Variants in GABBR2 observed in about 807,000 individuals in gnomAD.
GABBR2 encodes gamma-aminobutyric acid type B receptor subunit 2.
In GABBR2, 23 loss-of-function variants were observed where a neutral mutation model predicts 105.6. The ratio of observed to expected loss-of-function variants is 0.22; its 90% CI spans 0.16 to 0.31. GABBR2 has a LOEUF of 0.31. Ranked by LOEUF, GABBR2 falls within the 10% of genes least tolerant of loss-of-function variation. The pLI is 1.00. For missense variants in GABBR2, 734 were observed against 1,245.5 expected (o/e 0.59, Z 6.18); for synonymous variants, 478 against 499.7 (o/e 0.96, Z 0.58).
chr9:98,659,971 T>C (rs926407659), intron 1 of GABBR2, among the ~76,000 whole-genome samples: 6 of 152,316 alleles, frequency 3.9e-5, no homozygotes, highest in African/African-American at 1.4e-4. Context: ...TTATGGTACA[T>C]ATCCTTTAAG....
At chr9:98,518,743 A>G (rs1827809073) in intron 3 of GABBR2, among the ~76,000 whole-genome samples, 2 of 152,170 alleles carry the variant, frequency 1.3e-5, no homozygotes, top group Non-Finnish European at 1.5e-5. Flanking sequence ...TGGGTTGCTC[A>G]TGTATGGAGA....
intron 2 of GABBR2, among the ~76,000 whole-genome samples, chr9:98,552,972 G>A (rs942745917): frequency 3.3e-5 from 5 of 151,962 alleles, no homozygotes; most frequent in Middle Eastern, 3.2e-3. Context: ...GAACTCTTGG[G>A]CTCAAGCATC....
intron 1 of GABBR2, among the ~76,000 whole-genome samples, chr9:98,685,263 G>A (rs532761893): frequency 4.6e-5 from 7 of 152,336 alleles, no homozygotes; most frequent in Admixed American, 3.9e-4. Flanking sequence ...GTTTGGCAGG[G>A]GCTCTCAGGC....
At chr9:98,649,799 T>C (rs1830079988) in intron 1 of GABBR2, among the ~76,000 whole-genome samples, 1 of 152,222 alleles carries the variant, frequency 6.6e-6, no homozygotes, top group South Asian at 2.1e-4. Flanking sequence ...GTACAAACTT[T>C]ACAAAAAACA....
At position 98,708,406 on chromosome 9, in the gene GABBR2, C is replaced by T. The variant is rs533615750; in HGVS notation, c.321+11G>A. On this transcript the variant is annotated intron_variant, in intron 1 of 18. Coordinates refer to ENST00000259455, the MANE Select transcript of GABBR2 (RefSeq NM_005458.8). ...CCGAAGCCCCGACGGCAGGGGCAGC[C>T]GGACACTCACCTCCGTGTCATAGAG... 2.9e-6 allele frequency: 4 copies of T among 1,396,584 alleles called. No individual in the cohort carries two copies. Among genetic ancestry groups the T allele is most frequent in the East Asian group, 2.8e-5 (1 of 35,516 alleles). 86.5% of individuals were successfully genotyped at this position (1,396,584 alleles called of 1,614,324 possible).
chr9:98,324,192 C>T lies in GABBR2; in HGVS notation c.1894-12987G>A, dbSNP rs114984417. ...GGGACTCTGGCTGATTCTGGGACTC[C>T]CAGCTCACACGGAGGAAGGCAGGCT... On this transcript the variant is annotated intron_variant, in intron 13 of 18. Transcript: ENST00000259455. Among the ~76,000 whole-genome samples the T allele has an allele frequency of 3.0e-3, 459 of 152,282 alleles. 1 individual carries two copies. Among genetic ancestry groups the T allele is most frequent in the African/African-American group, 9.8e-3 (408 of 41,554 alleles).
chr9:98,581,965 C>A lies in GABBR2; in HGVS notation c.322-3893G>T, dbSNP rs1445154666. 2.0e-5 allele frequency among the ~76,000 whole-genome samples: 3 copies of A among 152,226 alleles called. No homozygotes were observed. In the East Asian group the frequency reaches 5.8e-4, roughly 29 times the overall value. Reference sequence around the variant, plus strand: ...CACTGGGATATGTCAACTAAAATATCTGAGACTATTTGACAACCAGTATTG... The same window carrying A: ...CACTGGGATATGTCAACTAAAATATATGAGACTATTTGACAACCAGTATTG... On this transcript the variant is annotated intron_variant, in intron 1 of 18. Coordinates refer to ENST00000259455, the MANE Select transcript of GABBR2 (RefSeq NM_005458.8).
At chr9:98,602,237 G>A (rs1038890303) in intron 1 of GABBR2, among the ~76,000 whole-genome samples, 12 of 151,560 alleles carry the variant, frequency 7.9e-5, no homozygotes, top group Non-Finnish European at 1.5e-4. Flanking sequence ...ACTTTGGGAG[G>A]CCGAGGCAGA....
chr9:98,360,478 T>C (rs1248390142), intron 13 of GABBR2, among the ~76,000 whole-genome samples: 1 of 152,128 alleles, frequency 6.6e-6, no homozygotes, highest in African/African-American at 2.4e-5. Context: ...GAACAGCCTA[T>C]CTGGGCCTTG....
chr9:98,704,475 A>T (rs1036911911), intron 1 of GABBR2, among the ~76,000 whole-genome samples: 9 of 152,180 alleles, frequency 5.9e-5, no homozygotes, highest in African/African-American at 2.2e-4. Flanking sequence ...CGTATGGTTC[A>T]CCCACAGGAT....
At chr9:98,301,046 G>A (rs1357056951) in intron 16 of GABBR2, among the ~76,000 whole-genome samples, 1 of 152,192 alleles carries the variant, frequency 6.6e-6, no homozygotes, top group African/African-American at 2.4e-5. Context: ...CCCTTCACCC[G>A]TCCTCGCTCT....
chr9:98,330,681 C>T (rs1226001450), intron 13 of GABBR2, among the ~76,000 whole-genome samples: 1 of 152,212 alleles, frequency 6.6e-6, no homozygotes, highest in East Asian at 1.9e-4. Context: ...TCTACCTTTG[C>T]TTTCACTGTT....
At chr9:98,566,798 C>CAAAAAAAAAAAAAAAAAAAAAAAAAA (rs55752458) in intron 2 of GABBR2, among the ~76,000 whole-genome samples, 1 of 88,202 alleles carries the variant, frequency 1.1e-5, no homozygotes, top group Non-Finnish European at 2.1e-5. Context: ...AAGACACTGT[C>CAAAAAAAAAAAAAAAAAAAAAAAAAA]AAAAAAAAAA....
In GABBR2 at chr9:98,306,036, C is replaced by G; in HGVS notation, c.2229+85G>C. 1 of 868,642 alleles carries G rather than the reference C, an allele frequency of 1.2e-6. No individual in the cohort carries two copies. Among genetic ancestry groups the G allele is most frequent in the Non-Finnish European group, 1.8e-6 (1 of 543,550 alleles). 53.8% of individuals were successfully genotyped at this position (868,642 alleles called of 1,614,324 possible). Reference sequence around the variant, plus strand: ...ATAAAAAAAAAAAGGAATGGGTAAACCTTTTAGAGAATGGAGAAAAGCCAG... The same window carrying G: ...ATAAAAAAAAAAAGGAATGGGTAAAGCTTTTAGAGAATGGAGAAAAGCCAG... On this transcript the variant is annotated intron_variant, in intron 15 of 18. Transcript: ENST00000259455. This position sits in a 1 kb window ranked among gnomAD's most constrained non-coding sequence, Gnocchi z 5.4.
intron 2 of GABBR2, among the ~76,000 whole-genome samples, chr9:98,576,536 C>G (rs1458028598): frequency 6.6e-6 from 1 of 152,154 alleles, no homozygotes; most frequent in East Asian, 1.9e-4. Flanking sequence ...TCTTAAGGGC[C>G]AGACTGCTTG....
At chr9:98,700,828 T>C (rs1484940970) in intron 1 of GABBR2, among the ~76,000 whole-genome samples, 2 of 152,220 alleles carry the variant, frequency 1.3e-5, no homozygotes, top group African/African-American at 4.8e-5. Flanking sequence ...GATTCTTCCC[T>C]ATCCCCATCT....
intron 1 of GABBR2, among the ~76,000 whole-genome samples, chr9:98,616,895 T>G (rs910770972): frequency 6.6e-6 from 1 of 152,250 alleles, no homozygotes; most frequent in Admixed American, 6.5e-5. Flanking sequence ...TTCTACATTT[T>G]AAAACTAAAG....
intron 17 of GABBR2, among the ~76,000 whole-genome samples, chr9:98,295,188 G>A (rs952935450): frequency 6.6e-6 from 1 of 152,174 alleles, no homozygotes; most frequent in Non-Finnish European, 1.5e-5. Context: ...TGACATGCAC[G>A]GTGTGGGAAA....
At chr9:98,445,052 A>T (rs533597286) in intron 7 of GABBR2, among the ~76,000 whole-genome samples, 10 of 152,338 alleles carry the variant, frequency 6.6e-5, no homozygotes, top group African/African-American at 2.4e-4. Context: ...TAGTTTATAG[A>T]TGCCTGGAAG....
Sources: allele counts gnomAD v4.1 joint callset (sites outside exome capture counted in the v4.1 genomes callset), GRCh38; gene constraint gnomAD v4.1.1; non-coding constraint Gnocchi (gnomAD v3.1); transcripts MANE v1.5; gene names NCBI Gene and HGNC (gene_info 2026-07-23, HGNC 2026-07-21).